The following CTNNA3 variants were observed in gnomAD, a reference collection of about 807,000 sequenced individuals.
CTNNA3 encodes the protein catenin alpha-3.
Under a neutral mutation model 95.7 loss-of-function variants are expected in CTNNA3, and 76 were observed. The ratio of observed to expected loss-of-function variants is 0.79; its 90% CI spans 0.66 to 0.96. CTNNA3 has a LOEUF of 0.96. Ranked by LOEUF, CTNNA3 falls within the 40% of genes least tolerant of loss-of-function variation. The pLI is 0.00. For missense variants in CTNNA3, 1,191 were observed against 1,089.8 expected, an observed-to-expected ratio of 1.09 and a Z score of -1.31; for synonymous variants, 431 against 374.4, an observed-to-expected ratio of 1.15 and a Z score of -1.74.
In CTNNA3 at chr10:67,101,991, C is replaced by T. The variant is rs115532309; in HGVS notation, c.1047+78326G>A. On this transcript the variant is annotated intron_variant, in intron 7 of 17. Transcript: ENST00000433211. ...AGTTATGGGACTGGCAGGTATTTGG[C>T]CTCAGGAGAAAAGGTGAAAATTTTC... 5.0e-3 allele frequency among the ~76,000 whole-genome samples: 751 copies of T among 151,708 alleles called. 1 individual carries two copies. Among genetic ancestry groups the T allele is most frequent in the African/African-American group, 0.015 (634 of 41,448 alleles).
At chr10:67,257,226 C>T (rs1257788991) in intron 5 of CTNNA3, among the ~76,000 whole-genome samples, 4 of 152,138 alleles carry the variant, frequency 2.6e-5, no homozygotes, top group East Asian at 1.9e-4. Context: ...GCTATAATTC[C>T]GAGCCTGTTG....
chr10:66,889,451 A>G (rs1845174104), intron 7 of CTNNA3, among the ~76,000 whole-genome samples: 1 of 152,128 alleles, frequency 6.6e-6, no homozygotes, highest in South Asian at 2.1e-4. Context: ...GCAATGGGGG[A>G]GGCTGTGCCT....
At chr10:66,583,972 A>G (rs561954781) in intron 10 of CTNNA3, among the ~76,000 whole-genome samples, 1 of 151,902 alleles carries the variant, frequency 6.6e-6, no homozygotes, top group East Asian at 1.9e-4. Flanking sequence ...TTTAATTTCT[A>G]TGTATTTGCA....
chr10:67,198,669 G>C (rs1426666312), intron 6 of CTNNA3, among the ~76,000 whole-genome samples: 1 of 152,050 alleles, frequency 6.6e-6, no homozygotes, highest in Non-Finnish European at 1.5e-5. Context: ...GTTCTCATAG[G>C]GTGTCGATGC....
intron 5 of CTNNA3, among the ~76,000 whole-genome samples, chr10:67,454,778 G>A (rs565300727): frequency 4.6e-5 from 7 of 151,944 alleles, no homozygotes; most frequent in Admixed American, 2.6e-4. Context: ...TAAAGAAAGT[G>A]GAATAACTAA....
chr10:66,370,867 G>A (rs2092748836), intron 12 of CTNNA3, among the ~76,000 whole-genome samples: 1 of 151,972 alleles, frequency 6.6e-6, no homozygotes, highest in African/African-American at 2.4e-5. Context: ...GTACCACCAT[G>A]CCTGGCTAAC....
intron 17 of CTNNA3, among the ~76,000 whole-genome samples, chr10:65,942,759 C>T (rs138561094): frequency 1.0e-3 from 156 of 152,132 alleles, no homozygotes; most frequent in African/African-American, 3.0e-3. Context: ...AGAATCTTTA[C>T]GTTTGTGAGA....
intron 7 of CTNNA3, among the ~76,000 whole-genome samples, chr10:66,916,639 T>C (rs1007126532): frequency 5.9e-5 from 9 of 152,200 alleles, no homozygotes; most frequent in Non-Finnish European, 1.0e-4. Flanking sequence ...AGGATTCATT[T>C]GTTGATAAGT....
rs58941459 is a variant in CTNNA3, at chr10:66,993,694, G to GAA, written c.1047+186621_1047+186622dup. On this transcript the variant is annotated intron_variant, in intron 7 of 17. Transcript: ENST00000433211. ...GCTCTTGCACTAATGATACATAAAT[G>GAA]AAAAAAAAAAAAAAACAGATAAAAC... is the stretch of plus-strand genomic sequence containing the variant. Among the ~76,000 whole-genome samples, 288 of 142,202 alleles carry GAA rather than the reference G, an allele frequency of 2.0e-3. 3 individuals are homozygous for GAA. The highest frequency in any genetic ancestry group is 6.9e-3 in the African/African-American group (270 of 39,198). 93.3% of individuals were successfully genotyped at this position (142,202 alleles called of 152,430 possible).
At chr10:67,232,860 C>G (rs1865283008) in intron 5 of CTNNA3, among the ~76,000 whole-genome samples, 1 of 151,816 alleles carries the variant, frequency 6.6e-6, no homozygotes, top group Non-Finnish European at 1.5e-5. Context: ...GGGTTGCAAT[C>G]CTAGTCTCTG....
At chr10:67,674,562 A>C (rs1840501419) in intron 1 of CTNNA3, among the ~76,000 whole-genome samples, 1 of 152,160 alleles carries the variant, frequency 6.6e-6, no homozygotes, top group Admixed American at 6.6e-5. Context: ...CCAGCAGAGA[A>C]TGTAGGTTCA....
At chr10:67,591,142 G>C (rs1224543217) in intron 3 of CTNNA3, among the ~76,000 whole-genome samples, 1 of 152,100 alleles carries the variant, frequency 6.6e-6, no homozygotes, top group Non-Finnish European at 1.5e-5. Flanking sequence ...CAGCTGATTA[G>C]AGGAACTGGG....
At chr10:66,355,992 G>T (rs995199075) in intron 12 of CTNNA3, among the ~76,000 whole-genome samples, 1 of 150,182 alleles carries the variant, frequency 6.7e-6, no homozygotes, top group Non-Finnish European at 1.5e-5. Context: ...TTTGATTTCT[G>T]AACTTTCCAA....
At chr10:66,495,778 C>G (rs983760578) in intron 11 of CTNNA3, among the ~76,000 whole-genome samples, 2 of 152,108 alleles carry the variant, frequency 1.3e-5, no homozygotes, top group African/African-American at 2.4e-5. Flanking sequence ...GCCTCAGCCT[C>G]CTGAGTAGCT....
intron 7 of CTNNA3, among the ~76,000 whole-genome samples, chr10:67,030,603 A>G (rs912707239): frequency 2.0e-5 from 3 of 152,160 alleles, no homozygotes; most frequent in Non-Finnish European, 4.4e-5. Context: ...CTGATTTTGC[A>G]TATTTTCATG....
chr10:66,327,269 T>G (rs1223580857), intron 12 of CTNNA3, among the ~76,000 whole-genome samples: 1 of 152,104 alleles, frequency 6.6e-6, no homozygotes, highest in Non-Finnish European at 1.5e-5. Context: ...CTGCTATCAA[T>G]TTTCTACACA....
At chr10:65,957,914 A>C (rs1005998605) in intron 17 of CTNNA3, among the ~76,000 whole-genome samples, 1 of 152,032 alleles carries the variant, frequency 6.6e-6, no homozygotes, top group Non-Finnish European at 1.5e-5. Context: ...GTATTTCCTG[A>C]ATTTGAATGT....
intron 10 of CTNNA3, among the ~76,000 whole-genome samples, chr10:66,620,841 G>A (rs1299187265): frequency 1.3e-5 from 2 of 152,140 alleles, no homozygotes; most frequent in African/African-American, 4.8e-5. Context: ...CCTACTTTTT[G>A]TAGACTGAGA....
intron 10 of CTNNA3, among the ~76,000 whole-genome samples, chr10:66,618,392 T>G (rs1441194060): frequency 2.0e-5 from 3 of 151,914 alleles, no homozygotes; most frequent in Admixed American, 6.6e-5. Context: ...AACAGAGCCC[T>G]CAGAAATAAC....
Sources: gnomAD v4.1 joint callset for allele counts (sites outside exome capture counted in the v4.1 genomes callset) on GRCh38, gnomAD v4.1.1 for gene constraint, MANE v1.5 for transcripts, NCBI Gene and HGNC (gene_info 2026-07-23, HGNC 2026-07-21) for gene names.